The following PLB1 variants were observed in gnomAD, a reference collection of about 807,000 sequenced individuals.
PLB1 encodes phospholipase B1, membrane-associated.
PLB1 carries 242 observed loss-of-function variants against 227.4 expected under a neutral mutation model. The observed-to-expected ratio is 1.06, with a 90% CI of 0.96 to 1.18. The LOEUF is 1.18. Among genes scored for constraint, PLB1 ranks in the 50% most tolerant of loss-of-function variants. The pLI, the probability that PLB1 is intolerant of heterozygous loss-of-function variation, is 0.00. For synonymous variants in PLB1, 757 were observed against 682.2 expected (o/e 1.11, Z -1.71); for missense variants, 1,858 against 1,816.3 (o/e 1.02, Z -0.42).
chr2:28,614,106 G>T lies in PLB1; in HGVS notation c.3195+10G>T. 1 of 1,605,292 alleles carries T rather than the reference G, an allele frequency of 6.2e-7. No homozygotes were observed. Among genetic ancestry groups the T allele is most frequent in the South Asian group, 1.1e-5 (1 of 90,898 alleles). ...CAAGCCAGCCATTGAGGTAACCCCT[G>T]ACTCACATCTGCCTCTCTCAGACAC... On this transcript the variant is annotated intron_variant, in intron 44 of 57. Transcript: ENST00000327757.
chr2:28,582,619 C>T, intron 25 of PLB1, 114 bp downstream of exon 25: 1 of 778,006 alleles, frequency 1.3e-6, no homozygotes, highest in Non-Finnish European at 2.1e-6. Context: ...GGGCTGTGAC[C>T]ACCCCATCTT....
chr2:28,566,963 G>T, intron 20 of PLB1, 124 bp downstream of exon 20: 1 of 1,142,176 alleles, frequency 8.8e-7, no homozygotes, highest in Non-Finnish European at 1.3e-6. Flanking sequence ...AAATTCACCA[G>T]GGGGCGCTGC....
At chr2:28,591,078 C>G in intron 29 of PLB1, 55 bp from the exon 30 acceptor site, 1 of 1,608,368 alleles carries the variant, frequency 6.2e-7, no homozygotes, top group East Asian at 2.2e-5. Flanking sequence ...TGAGTGCTGA[C>G]AAGCAGAGAA....
chr2:28,566,890 G>T, intron 20 of PLB1, 51 bp downstream of exon 20: 2 of 1,602,618 alleles, frequency 1.2e-6, no homozygotes, highest in Non-Finnish European at 1.7e-6. Flanking sequence ...GCCCCTGCAC[G>T]CTTCCCGCTC....
chr2:28,555,876 T>TTTTTC (rs1389066657), intron 17 of PLB1, among the ~76,000 whole-genome samples: 4 of 149,968 alleles, frequency 2.7e-5, no homozygotes, highest in Non-Finnish European at 4.4e-5. Flanking sequence ...TTTTTTTTTT[T>TTTTTC]TTTTTCTTTT....
intron 43 of PLB1, among the ~76,000 whole-genome samples, chr2:28,610,907 G>T (rs145768010): frequency 4.1e-4 from 62 of 152,122 alleles, no homozygotes; most frequent in African/African-American, 1.5e-3. Context: ...ACTCACGGGG[G>T]CTCCAAATCT....
chr2:28,594,932 T>C (rs1324400396), intron 33 of PLB1: 2 of 152,146 alleles, frequency 1.3e-5, no homozygotes, highest in South Asian at 2.1e-4. Context: ...CATGAGGTTC[T>C]GGCAGCTGCA....
At chr2:28,541,485 G>A (rs931683380) in intron 12 of PLB1, among the ~76,000 whole-genome samples, 6 of 152,336 alleles carry the variant, frequency 3.9e-5, no homozygotes, top group African/African-American at 1.4e-4. Flanking sequence ...AGGTCTGTCT[G>A]TGGTATTACC....
rs919036039 is a variant in PLB1 at position 28,643,268 on chromosome 2, T to A, written c.*207T>A. On this transcript the variant is annotated 3_prime_UTR_variant, in exon 58 of 58. Coordinates refer to ENST00000327757, the MANE Select transcript of PLB1 (RefSeq NM_153021.5). ...TTAAATAAAGTCCAAAGCTATTTTA[T>A]TCCTGGGTTTGCCTGCGTGAAGCAC... is the stretch of plus-strand genomic sequence containing the variant. The A allele has an allele frequency of 6.4e-6, 3 of 468,544 alleles. No individual in the cohort carries two copies. Among genetic ancestry groups the A allele is most frequent in the African/African-American group, 5.9e-5 (3 of 50,750 alleles). The allele number at this position is 468,544 out of a possible 1,614,324, so 29.0% of individuals were successfully genotyped here. A position where few individuals can be genotyped will look rare whatever the true frequency, so the allele number is the denominator to read the frequency against.
At chr2:28,625,557 G>A (rs988707704) in intron 50 of PLB1, among the ~76,000 whole-genome samples, 16 of 151,688 alleles carry the variant, frequency 1.1e-4, no homozygotes, top group East Asian at 5.8e-4. Flanking sequence ...TTCAGCTCCC[G>A]GTGGGATTCC....
At chr2:28,590,519 A>AT (rs1681724177) in intron 29 of PLB1, among the ~76,000 whole-genome samples, 1 of 152,106 alleles carries the variant, frequency 6.6e-6, no homozygotes, top group African/African-American at 2.4e-5. Context: ...TGGGGAGTAA[A>AT]TTGGAAGCTG....
In PLB1 at chr2:28,640,914, T is replaced by C; in HGVS notation, c.4099-13T>C. On this transcript the variant is annotated splice_polypyrimidine_tract_variant and intron_variant, in intron 56 of 57. Coordinates refer to ENST00000327757, the MANE Select transcript of PLB1 (RefSeq NM_153021.5). Reference sequence around the variant, plus strand: ...CTTTGGAGAGAATCGAGGTGTCCTTTCTCTCTCTCCAGCTGGAACCAGTGG... The same window carrying C: ...CTTTGGAGAGAATCGAGGTGTCCTTCCTCTCTCTCCAGCTGGAACCAGTGG... The C allele has an allele frequency of 1.2e-6, 2 of 1,611,104 alleles. No homozygotes were observed. Among genetic ancestry groups the C allele is most frequent in the Non-Finnish European group, 1.7e-6 (2 of 1,178,240 alleles).
chr2:28,536,185 G>T (rs1671657624), intron 9 of PLB1, among the ~76,000 whole-genome samples: 1 of 152,170 alleles, frequency 6.6e-6, no homozygotes, highest in South Asian at 2.1e-4. Flanking sequence ...ATAAACAAGG[G>T]CCTGTGTCCA....
intron 24 of PLB1, 110 bp from the exon 25 acceptor site, chr2:28,582,295 G>A (rs547023391): frequency 1.7e-6 from 2 of 1,173,132 alleles, no homozygotes; most frequent in South Asian, 2.7e-5. Flanking sequence ...GTGGATGGGG[G>A]CAGATGGAAG....
intron 57 of PLB1, 47 bp downstream of exon 57, chr2:28,641,048 G>C (rs766984644): frequency 1.3e-6 from 2 of 1,573,020 alleles, no homozygotes; most frequent in East Asian, 4.6e-5. Context: ...TGCCTGGGGT[G>C]GGGGTTGTCC....
chr2:28,568,713 T>A (rs557070356), intron 20 of PLB1, among the ~76,000 whole-genome samples: 1 of 152,302 alleles, frequency 6.6e-6, no homozygotes, highest in East Asian at 1.9e-4. Flanking sequence ...TTTATAGATG[T>A]GTACAAAGCT....
At chr2:28,518,993 T>G (rs1201297717) in intron 3 of PLB1, among the ~76,000 whole-genome samples, 1 of 152,212 alleles carries the variant, frequency 6.6e-6, no homozygotes, top group African/African-American at 2.4e-5. Context: ...CTATTCTGCC[T>G]TGACTGGGGT....
At chr2:28,538,227 C>G (rs1004679666) in intron 9 of PLB1, 92 bp from the exon 10 acceptor site, 8 of 1,511,484 alleles carry the variant, frequency 5.3e-6, no homozygotes, top group Non-Finnish European at 7.3e-6. Context: ...TGTGGTCTTG[C>G]CTGGCAGGGA....
Position 28,566,823 on chromosome 2 carries a change from C to G in PLB1, c.1308C>G (p.Thr436=). The stretch of plus-strand genomic sequence containing the variant: ...TCGGCGGAGATGAGAACATCGGCAC[C>G]GTTACCACCCTGGCGAGTGAGTACG... ...WSVGGDENIG[T]VTTLANILRE... is the part of the protein sequence containing the mutation. The change falls in exon 20 of 58, where the codon ACC becomes ACG. Residue 436 remains threonine (T), a synonymous_variant. Coordinates refer to ENST00000327757, the MANE Select transcript of PLB1 (RefSeq NM_153021.5). The G allele has an allele frequency of 3.1e-6, 5 of 1,613,980 alleles. No homozygotes were observed. Among genetic ancestry groups the G allele is most frequent in the Non-Finnish European group, 4.2e-6 (5 of 1,180,010 alleles).
Sources: gnomAD v4.1 joint callset for allele counts (sites outside exome capture counted in the v4.1 genomes callset) on GRCh38, gnomAD v4.1.1 for gene constraint, MANE v1.5 for transcripts, NCBI Gene and HGNC (gene_info 2026-07-23, HGNC 2026-07-21) for gene names.